DMRT1: variants seen among roughly 807,000 people sequenced by gnomAD.
DMRT1 encodes the protein doublesex- and mab-3-related transcription factor 1.
In DMRT1, 7 loss-of-function variants were observed where a neutral mutation model predicts 32.3. The ratio of observed to expected loss-of-function variants is 0.22; its 90% CI spans 0.12 to 0.41. DMRT1 has a LOEUF of 0.41. DMRT1 is among the 10% of genes least tolerant of loss of function. The pLI is 1.00. For missense variants in DMRT1, 625 were observed against 500.5 expected, an observed-to-expected ratio of 1.25 and a Z score of -2.37; for synonymous variants, 278 against 206.1, an observed-to-expected ratio of 1.35 and a Z score of -2.99.
chr9:945,356 A>G (rs947646658), intron 4 of DMRT1, among the ~76,000 whole-genome samples: 2 of 152,162 alleles, frequency 1.3e-5, no homozygotes, highest in Non-Finnish European at 2.9e-5. Context: ...GGGTTTCACC[A>G]TGGTGGCCAG....
chr9:850,216 T>A (rs548716311), intron 2 of DMRT1, among the ~76,000 whole-genome samples: 2 of 152,168 alleles, frequency 1.3e-5, no homozygotes, highest in Non-Finnish European at 1.5e-5. Flanking sequence ...TGAGTGAGGA[T>A]TGATAACTTC....
intron 1 of DMRT1, among the ~76,000 whole-genome samples, chr9:846,077 G>A (rs1240424629): frequency 6.6e-6 from 1 of 150,506 alleles, no homozygotes; most frequent in African/African-American, 2.5e-5. Context: ...TGTCGCCCAG[G>A]CTGGAGTGCA....
At chr9:847,415 A>G (rs937257419) in intron 2 of DMRT1, among the ~76,000 whole-genome samples, 3 of 152,226 alleles carry the variant, frequency 2.0e-5, no homozygotes, top group Non-Finnish European at 2.9e-5. Context: ...GAGATTGTTC[A>G]GATTTCATCT....
intron 2 of DMRT1, among the ~76,000 whole-genome samples, chr9:875,804 A>C (rs1364864020): frequency 6.6e-6 from 1 of 152,204 alleles, no homozygotes; most frequent in African/African-American, 2.4e-5. Flanking sequence ...GTGTGTGTGC[A>C]TATATAGTGT....
intron 3 of DMRT1, among the ~76,000 whole-genome samples, chr9:914,341 G>A (rs935179520): frequency 3.3e-5 from 5 of 151,988 alleles, no homozygotes; most frequent in African/African-American, 9.7e-5. Flanking sequence ...TTGGGAGGCC[G>A]AGGCGGGCAG....
chr9:867,365 G>A lies in DMRT1; in HGVS notation c.538+20222G>A, dbSNP rs191792394. On this transcript the variant is annotated intron_variant, in intron 2 of 4. Transcript: ENST00000382276. ...AATTCCTCTCTGGGAAGCCAGGAGAGCGGGCAGTGCTTTATTCTGTGCCTC... is the reference window on the plus strand; with the variant it reads ...AATTCCTCTCTGGGAAGCCAGGAGAACGGGCAGTGCTTTATTCTGTGCCTC... Among the ~76,000 whole-genome samples the A allele has an allele frequency of 3.1e-3, 471 of 152,308 alleles. 3 individuals are homozygous for A. Among genetic ancestry groups the A allele is most frequent in the African/African-American group, 0.011 (454 of 41,572 alleles).
intron 2 of DMRT1, among the ~76,000 whole-genome samples, chr9:864,477 G>A (rs1219920226): frequency 7.0e-6 from 1 of 143,740 alleles, no homozygotes; most frequent in Admixed American, 7.2e-5. Context: ...ACAGGCGTGA[G>A]CCACCATGCC....
intron 4 of DMRT1, among the ~76,000 whole-genome samples, chr9:945,891 ATG>A (rs1564269019): frequency 6.6e-6 from 1 of 152,074 alleles, no homozygotes; most frequent in African/African-American, 2.4e-5. Context: ...ACATGCAGAT[ATG>A]TGTTTCTGTA....
At chr9:892,874 C>T (rs550760500) in intron 2 of DMRT1, among the ~76,000 whole-genome samples, 1 of 152,280 alleles carries the variant, frequency 6.6e-6, no homozygotes. Context: ...AAACTCTACC[C>T]CCACTTTCCT....
chr9:847,046 C>T lies in DMRT1; in HGVS notation c.441C>T (p.Val147=). Residue 147 remains valine (V), a synonymous_variant, in exon 2 of 5, where the codon GTC becomes GTT. Coordinates refer to ENST00000382276, the MANE Select transcript of DMRT1 (RefSeq NM_021951.3). ...IPLPSAAELL[V]KRENNGSNPC... ...TGCCCAGTGCGGCCGAGCTGCTTGT[C>T]AAAAGAGAGAACAATGGCAGTAACC... 6.2e-7 allele frequency: 1 copy of T among 1,614,108 alleles called. No homozygotes were observed. Among genetic ancestry groups the T allele is most frequent in the Non-Finnish European group, 8.5e-7 (1 of 1,180,046 alleles).
intron 4 of DMRT1, among the ~76,000 whole-genome samples, chr9:946,020 A>G (rs1375005543): frequency 6.6e-6 from 1 of 152,146 alleles, no homozygotes; most frequent in Non-Finnish European, 1.5e-5. Flanking sequence ...TGTTTAGTAC[A>G]TGTAGGTCTA....
Position 848,635 on chromosome 9 carries a change from C to T in DMRT1, c.538+1492C>T, listed in dbSNP as rs189995672. Among the ~76,000 whole-genome samples, 73 of 148,882 alleles carry T rather than the reference C, an allele frequency of 4.9e-4. No homozygotes were observed. In the East Asian group the frequency reaches 0.011, roughly 22 times the overall value. On this transcript the variant is annotated intron_variant, in intron 2 of 4. Coordinates refer to ENST00000382276, the MANE Select transcript of DMRT1 (RefSeq NM_021951.3). ...GTGGTGTGATCTTGGCTCACTGCAA[C>T]CTCCACCTCCTGGGTTCAAATGATT...
At chr9:869,592 A>T (rs974646488) in intron 2 of DMRT1, among the ~76,000 whole-genome samples, 5 of 152,036 alleles carry the variant, frequency 3.3e-5, no homozygotes, top group Non-Finnish European at 4.4e-5. Context: ...AAGGTCTCCT[A>T]TCTCGGTTAC....
chr9:946,620 C>G (rs1819254932), intron 4 of DMRT1, among the ~76,000 whole-genome samples: 1 of 152,210 alleles, frequency 6.6e-6, no homozygotes, highest in South Asian at 2.1e-4. Flanking sequence ...TTTGTACAAA[C>G]AGAGGTTCCG....
At chr9:961,618 C>T (rs540742298) in intron 4 of DMRT1, among the ~76,000 whole-genome samples, 1 of 152,312 alleles carries the variant, frequency 6.6e-6, no homozygotes, top group Non-Finnish European at 1.5e-5. Context: ...AAAGGCCGTT[C>T]AAGTGAGGAA....
At chr9:870,666 T>G (rs1403563743) in intron 2 of DMRT1, among the ~76,000 whole-genome samples, 1 of 151,564 alleles carries the variant, frequency 6.6e-6, no homozygotes, top group African/African-American at 2.4e-5. Context: ...CTTTGCTTAT[T>G]TTGTTCTTTA....
intron 4 of DMRT1, among the ~76,000 whole-genome samples, chr9:962,573 C>A (rs914305850): frequency 4.5e-4 from 67 of 150,030 alleles, no homozygotes; most frequent in African/African-American, 1.6e-3. Context: ...GTGGAGGTGG[C>A]ACTGGGGACC....
intron 2 of DMRT1, among the ~76,000 whole-genome samples, chr9:872,339 G>C (rs1380437279): frequency 2.6e-5 from 4 of 152,220 alleles, no homozygotes; most frequent in Admixed American, 6.5e-5. Context: ...GGGATTACAG[G>C]CGTGAGCCAG....
chr9:952,528 C>G (rs543070629), intron 4 of DMRT1, among the ~76,000 whole-genome samples: 4 of 152,302 alleles, frequency 2.6e-5, no homozygotes, highest in South Asian at 4.1e-4. Flanking sequence ...CAGTGGAAAG[C>G]ATTTTTACAT....
Sources: allele counts gnomAD v4.1 joint callset (sites outside exome capture counted in the v4.1 genomes callset), GRCh38; gene constraint gnomAD v4.1.1; transcripts MANE v1.5; gene names NCBI Gene and HGNC (gene_info 2026-07-23, HGNC 2026-07-21).